Variants in QTMAN observed in about 807,000 individuals in gnomAD.
QTMAN encodes tRNA-queuosine alpha-mannosyltransferase.
the QTMAN span, chr2:143,963,796 CATT>C: frequency 6.6e-6 from 1 of 151,952 alleles, no homozygotes; most frequent in Non-Finnish European, 1.5e-5. Context: ...TTACTTTTCC[CATT>C]ATGTTTTGTT....
chr2:144,226,096 T>A, the QTMAN span, among the ~76,000 whole-genome samples: 1 of 152,218 alleles, frequency 6.6e-6, no homozygotes, highest in South Asian at 2.1e-4. Context: ...TGTTCAGGTA[T>A]TACTATGGTA....
At chr2:144,164,487 T>A in the QTMAN span, among the ~76,000 whole-genome samples, 1 of 152,166 alleles carries the variant, frequency 6.6e-6, no homozygotes, top group East Asian at 1.9e-4. Flanking sequence ...AATTGTTTTA[T>A]TTGCCATTCT....
the QTMAN span, among the ~76,000 whole-genome samples, chr2:144,307,187 T>TA: frequency 2.5e-5 from 2 of 78,846 alleles, no homozygotes; most frequent in African/African-American, 4.9e-5. Context: ...AAAAAAACAA[T>TA]TAAAAAAAAA....
the QTMAN span, among the ~76,000 whole-genome samples, chr2:144,083,457 C>T: frequency 6.6e-6 from 1 of 152,120 alleles, no homozygotes; most frequent in Admixed American, 6.5e-5. Context: ...GCCAGTCCTA[C>T]CCAAATTCTT....
At chr2:144,139,522 G>GT in the QTMAN span, among the ~76,000 whole-genome samples, 1 of 152,052 alleles carries the variant, frequency 6.6e-6, no homozygotes, top group Non-Finnish European at 1.5e-5. Context: ...CACAGAACTA[G>GT]TAAGTGGTGG....
chr2:144,297,046 T>C, the QTMAN span, among the ~76,000 whole-genome samples: 2 of 152,218 alleles, frequency 1.3e-5, no homozygotes, highest in African/African-American at 4.8e-5. Flanking sequence ...TGATTTCCTC[T>C]GATACTAAGG....
the QTMAN span, among the ~76,000 whole-genome samples, chr2:144,248,272 A>G: frequency 1.3e-5 from 2 of 152,236 alleles, no homozygotes; most frequent in Non-Finnish European, 2.9e-5. Context: ...AGAAATGTTC[A>G]TATTATAAAA....
At chr2:144,063,078 ACT>A in the QTMAN span, among the ~76,000 whole-genome samples, 20 of 151,892 alleles carry the variant, frequency 1.3e-4, no homozygotes, top group East Asian at 3.5e-3. Context: ...ATGGGAAAAA[ACT>A]CTCTATTTAT....
chr2:144,102,503 T>A, the QTMAN span, among the ~76,000 whole-genome samples: 1 of 152,134 alleles, frequency 6.6e-6, no homozygotes, highest in African/African-American at 2.4e-5. Flanking sequence ...CTGTTCCAGG[T>A]CAAATAGCTG....
At chr2:144,170,645 T>C in the QTMAN span, among the ~76,000 whole-genome samples, 1 of 152,114 alleles carries the variant, frequency 6.6e-6, no homozygotes, top group African/African-American at 2.4e-5. Context: ...TATTCCAATG[T>C]TGTGTGTTAC....
the QTMAN span, among the ~76,000 whole-genome samples, chr2:144,013,631 C>A: frequency 6.6e-6 from 1 of 152,018 alleles, no homozygotes; most frequent in South Asian, 2.1e-4. Context: ...GAAAAAATAT[C>A]AACAGTTTTT....
At chr2:144,330,463 C>T in the QTMAN span, among the ~76,000 whole-genome samples, 11 of 152,284 alleles carry the variant, frequency 7.2e-5, no homozygotes, top group East Asian at 2.1e-3. Context: ...CACCATAACT[C>T]TAAGACTCTT....
chr2:143,944,322 G>C, the QTMAN span: 1 of 151,982 alleles, frequency 6.6e-6, no homozygotes, highest in East Asian at 1.9e-4. Context: ...TTGCTTATGT[G>C]AACTAGTAGC....
At chr2:143,998,957 A>C in the QTMAN span, among the ~76,000 whole-genome samples, 16 of 152,170 alleles carry the variant, frequency 1.1e-4, no homozygotes, top group African/African-American at 3.9e-4. Context: ...AGAGAGACAT[A>C]ACCTCAACTG....
At chr2:143,977,734 A>G in the QTMAN span, among the ~76,000 whole-genome samples, 1 of 152,210 alleles carries the variant, frequency 6.6e-6, no homozygotes. Context: ...TCATATTGAA[A>G]TGGGCCATGA....
At chr2:144,211,108 T>C in the QTMAN span, 5 of 152,322 alleles carry the variant, frequency 3.3e-5, no homozygotes, top group Admixed American at 2.6e-4. Flanking sequence ...GTACATATCA[T>C]GATGTTTCTT....
the QTMAN span, among the ~76,000 whole-genome samples, chr2:144,309,652 G>C: frequency 6.6e-6 from 1 of 152,196 alleles, no homozygotes; most frequent in Non-Finnish European, 1.5e-5. Context: ...AAGTGATGGA[G>C]ATGTTCTGTA....
At chr2:144,086,981 C>T in the QTMAN span, among the ~76,000 whole-genome samples, 1 of 152,048 alleles carries the variant, frequency 6.6e-6, no homozygotes, top group East Asian at 1.9e-4. Context: ...TCTAATAAAC[C>T]ATCCTAATTT....
At chr2:144,064,454 T>A in the QTMAN span, among the ~76,000 whole-genome samples, 2 of 152,210 alleles carry the variant, frequency 1.3e-5, no homozygotes, top group African/African-American at 4.8e-5. Context: ...TATTATAAGA[T>A]AATATACAGC....
Sources: allele counts gnomAD v4.1 joint callset (sites outside exome capture counted in the v4.1 genomes callset), GRCh38; gene constraint gnomAD v4.1.1; transcripts MANE v1.5; gene names NCBI Gene and HGNC (gene_info 2026-07-23, HGNC 2026-07-21).